LRRC4C: variants seen among roughly 807,000 people sequenced by gnomAD.
LRRC4C encodes the protein leucine-rich repeat-containing protein 4C.
Under a neutral mutation model 33.6 loss-of-function variants are expected in LRRC4C, and 5 were observed. That is an observed-to-expected ratio of 0.15 (90% CI 0.08 to 0.31). LRRC4C has a LOEUF of 0.31. Among genes scored for constraint, LRRC4C ranks in the 10% least tolerant of loss-of-function variants. The pLI, the probability that LRRC4C is intolerant of heterozygous loss-of-function variation, is 1.00. For missense variants in LRRC4C, 560 were observed against 796.7 expected (o/e 0.70, Z 3.58); for synonymous variants, 329 against 302.0 (o/e 1.09, Z -0.93).
Position 40,847,502 on chromosome 11 carries a change from TG to T in LRRC4C, c.-407+86132del, listed in dbSNP as rs1953245319. ...TTGCATCCCAGGGTTGAAGCTGACT[TG>T]ATCGTGGTGGATAAGCTTTTTAATG... On this transcript the variant is annotated intron_variant, in intron 2 of 6. Coordinates refer to ENST00000528697, the MANE Select transcript of LRRC4C (RefSeq NM_001258419.2). Among the ~76,000 whole-genome samples the T allele has an allele frequency of 1.3e-5, 2 of 152,208 alleles. 1 individual carries two copies. The highest frequency in any genetic ancestry group is 4.1e-4 in the South Asian group (2 of 4,828).
chr11:40,871,160 T>C (rs1954622040), intron 2 of LRRC4C, among the ~76,000 whole-genome samples: 1 of 150,594 alleles, frequency 6.6e-6, no homozygotes, highest in South Asian at 2.1e-4. Context: ...GATAAGATGT[T>C]ATCAATGAAA....
At chr11:41,232,418 TAACA>T (rs1947843289) in intron 1 of LRRC4C, among the ~76,000 whole-genome samples, 1 of 152,046 alleles carries the variant, frequency 6.6e-6, no homozygotes, top group East Asian at 1.9e-4. Context: ...CCATCAGACA[TAACA>T]ATCAAAAATG....
At chr11:41,367,193 G>C (rs1314293514) in intron 1 of LRRC4C, among the ~76,000 whole-genome samples, 1 of 152,094 alleles carries the variant, frequency 6.6e-6, no homozygotes, top group Non-Finnish European at 1.5e-5. Flanking sequence ...CATAGTCAAT[G>C]GACTGACTTT....
intron 3 of LRRC4C, among the ~76,000 whole-genome samples, chr11:40,369,539 T>C (rs1255729680): frequency 6.6e-6 from 1 of 152,204 alleles, no homozygotes; most frequent in Non-Finnish European, 1.5e-5. Context: ...GGTTTCTTCA[T>C]CTTGGTCAGG....
chr11:41,412,392 T>A (rs767883887), intron 1 of LRRC4C, among the ~76,000 whole-genome samples: 1 of 152,214 alleles, frequency 6.6e-6, no homozygotes, highest in Non-Finnish European at 1.5e-5. Context: ...AATTAACTTA[T>A]GGTACAATTA....
chr11:40,537,628 C>T (rs1956530822), intron 3 of LRRC4C, among the ~76,000 whole-genome samples: 1 of 152,130 alleles, frequency 6.6e-6, no homozygotes, highest in Non-Finnish European at 1.5e-5. Context: ...TTGGCCCCTA[C>T]CCCATCTGGT....
chr11:41,059,974 G>A (rs902465180), intron 1 of LRRC4C, among the ~76,000 whole-genome samples: 2 of 151,566 alleles, frequency 1.3e-5, no homozygotes, highest in Non-Finnish European at 2.9e-5. Context: ...GCAATCAGCC[G>A]AGATCACACC....
At chr11:40,308,507 A>C (rs1316227922) in intron 4 of LRRC4C, among the ~76,000 whole-genome samples, 1 of 152,202 alleles carries the variant, frequency 6.6e-6, no homozygotes, top group Non-Finnish European at 1.5e-5. Flanking sequence ...ACAAATTTTG[A>C]AATGGGAGAT....
rs150215633 is a variant in LRRC4C at position 41,377,743 on chromosome 11, G to C, written c.-496+81688C>G. Among the ~76,000 whole-genome samples, 86 of 152,220 alleles carry C rather than the reference G, an allele frequency of 5.6e-4. 1 individual carries two copies. In the East Asian group the frequency reaches 0.016, roughly 28 times the overall value. ...CACTGAAATGTTTTACTCGTTATGG[G>C]TATTTTTGCCTTGGTGTGGCCTACT... On this transcript the variant is annotated intron_variant, in intron 1 of 6. Transcript: ENST00000528697.
intron 1 of LRRC4C, among the ~76,000 whole-genome samples, chr11:41,324,474 G>T (rs1352339366): frequency 6.6e-6 from 1 of 152,162 alleles, no homozygotes; most frequent in African/African-American, 2.4e-5. Context: ...AGGAAGAGGA[G>T]TTGAAACTAT....
chr11:41,095,082 A>C (rs111958245), intron 1 of LRRC4C, among the ~76,000 whole-genome samples: 1 of 152,192 alleles, frequency 6.6e-6, no homozygotes, highest in Non-Finnish European at 1.5e-5. Context: ...GTAATTTATC[A>C]ACAAAAGAGG....
intron 2 of LRRC4C, among the ~76,000 whole-genome samples, chr11:40,722,396 CG>C (rs1947063935): frequency 6.6e-6 from 1 of 152,116 alleles, no homozygotes; most frequent in Non-Finnish European, 1.5e-5. Context: ...GTCTACTGGA[CG>C]ACAGCCTGAA....
intron 2 of LRRC4C, among the ~76,000 whole-genome samples, chr11:40,918,640 A>C (rs1592091197): frequency 6.6e-6 from 1 of 152,110 alleles, no homozygotes; most frequent in East Asian, 1.9e-4. Context: ...AATAGGAAGA[A>C]GAGATTGTCT....
At chr11:40,466,966 C>A (rs1056277959) in intron 3 of LRRC4C, among the ~76,000 whole-genome samples, 3 of 151,884 alleles carry the variant, frequency 2.0e-5, no homozygotes, top group African/African-American at 4.8e-5. Context: ...ATAAATTGTA[C>A]TTTTGTTTGA....
At chr11:40,198,352 T>G (rs1862435055) in intron 5 of LRRC4C, among the ~76,000 whole-genome samples, 1 of 152,176 alleles carries the variant, frequency 6.6e-6, no homozygotes. Flanking sequence ...CCACCACAAT[T>G]CCACTACACA....
chr11:41,374,373 T>A (rs1001539017), intron 1 of LRRC4C, among the ~76,000 whole-genome samples: 4 of 151,308 alleles, frequency 2.6e-5, no homozygotes, highest in Non-Finnish European at 5.9e-5. Flanking sequence ...AGAGAAAAAT[T>A]AAAAAAAAAC....
At chr11:40,520,825 C>A (rs901283475) in intron 3 of LRRC4C, among the ~76,000 whole-genome samples, 10 of 152,068 alleles carry the variant, frequency 6.6e-5, no homozygotes, top group Non-Finnish European at 8.8e-5. Context: ...ATGAGGTATG[C>A]CTGTATTTTA....
intron 1 of LRRC4C, among the ~76,000 whole-genome samples, chr11:41,156,190 G>A (rs1360692674): frequency 6.6e-6 from 1 of 152,084 alleles, no homozygotes; most frequent in Non-Finnish European, 1.5e-5. Flanking sequence ...CAGTGTTGCT[G>A]TGATTGCAGG....
At chr11:40,238,920 C>T (rs1344305422) in intron 5 of LRRC4C, among the ~76,000 whole-genome samples, 5 of 152,158 alleles carry the variant, frequency 3.3e-5, no homozygotes, top group Admixed American at 3.3e-4. Flanking sequence ...CAGAAAAACA[C>T]TGCCTTAAAA....
Sources: gnomAD v4.1 joint callset for allele counts (sites outside exome capture counted in the v4.1 genomes callset) on GRCh38, gnomAD v4.1.1 for gene constraint, MANE v1.5 for transcripts, NCBI Gene and HGNC (gene_info 2026-07-23, HGNC 2026-07-21) for gene names.